Variants in ADAMTS6 observed in about 807,000 individuals in gnomAD.
The protein encoded by ADAMTS6 is A disintegrin and metalloproteinase with thrombospondin motifs 6.
A neutral mutation model predicts 144.3 loss-of-function variants in ADAMTS6; 23 were observed. The ratio of observed to expected loss-of-function variants is 0.16; its 90% CI spans 0.11 to 0.23. The LOEUF (loss-of-function observed/expected upper bound fraction) is 0.23, where lower values mean the gene tolerates loss of function less well. Among genes scored for constraint, ADAMTS6 ranks in the 10% least tolerant of loss-of-function variants. The probability of loss-of-function intolerance (pLI) is 1.00; values close to 1 mark genes in which losing one functional copy is unlikely to be tolerated. For synonymous variants in ADAMTS6, 444 were observed against 457.5 expected (o/e 0.97, Z 0.38); for missense variants, 999 against 1,379.6 (o/e 0.72, Z 4.37).
intron 14 of ADAMTS6, among the ~76,000 whole-genome samples, chr5:65,258,467 T>G (rs1361707017): frequency 6.6e-6 from 1 of 151,788 alleles, no homozygotes. Flanking sequence ...TGTAACGACT[T>G]TGGATTTAAG....
intron 7 of ADAMTS6, among the ~76,000 whole-genome samples, chr5:65,394,721 A>T (rs1478175474): frequency 6.6e-6 from 1 of 152,164 alleles, no homozygotes; most frequent in Non-Finnish European, 1.5e-5. Context: ...GAAAAAATCC[A>T]TGATGCATGT....
chr5:65,426,658 T>A (rs893873678), intron 7 of ADAMTS6, among the ~76,000 whole-genome samples: 9 of 152,004 alleles, frequency 5.9e-5, no homozygotes, highest in African/African-American at 2.2e-4. Context: ...ACTTAAGAAC[T>A]TGTAGATATG....
chr5:65,365,636 G>A (rs1213420456), intron 7 of ADAMTS6, among the ~76,000 whole-genome samples: 5 of 142,598 alleles, frequency 3.5e-5, no homozygotes, highest in African/African-American at 1.3e-4. Flanking sequence ...AACAGAGTGA[G>A]ACTCTGTTTC....
At chr5:65,373,817 T>G (rs1199140714) in intron 7 of ADAMTS6, among the ~76,000 whole-genome samples, 1 of 151,994 alleles carries the variant, frequency 6.6e-6, no homozygotes, top group African/African-American at 2.4e-5. Flanking sequence ...AAAGAGAATT[T>G]TAGACCAATA....
intron 7 of ADAMTS6, among the ~76,000 whole-genome samples, chr5:65,421,531 G>T (rs990847867): frequency 3.9e-5 from 6 of 152,082 alleles, no homozygotes; most frequent in Non-Finnish European, 7.4e-5. Context: ...AAGATGGCTT[G>T]AATAAAGGCT....
chr5:65,210,376 G>C (rs1231965895), intron 20 of ADAMTS6: 1 of 167,552 alleles, frequency 6.0e-6, no homozygotes, highest in Non-Finnish European at 1.3e-5. Flanking sequence ...GCGTGAACCC[G>C]GGAGGCGGAG....
intron 7 of ADAMTS6, among the ~76,000 whole-genome samples, chr5:65,444,871 C>T (rs148580728): frequency 5.8e-4 from 89 of 152,236 alleles, no homozygotes; most frequent in African/African-American, 2.0e-3. Flanking sequence ...TACTGTGTGA[C>T]CTTGCCAATC....
chr5:65,391,419 T>TAC (rs34581260), intron 7 of ADAMTS6, among the ~76,000 whole-genome samples: 5,018 of 148,644 alleles, frequency 0.034, 100 homozygotes, highest in Admixed American at 0.041. Flanking sequence ...TGTGTCTCTC[T>TAC]ACACACACAC....
intron 7 of ADAMTS6, among the ~76,000 whole-genome samples, chr5:65,370,873 T>C (rs188499509): frequency 0.016 from 2,462 of 152,324 alleles, 35 homozygotes; most frequent in East Asian, 0.082. Flanking sequence ...TAAATGTCCC[T>C]GTCTGACAGC....
intron 20 of ADAMTS6, among the ~76,000 whole-genome samples, chr5:65,201,023 G>A (rs1561274218): frequency 6.6e-6 from 1 of 152,124 alleles, no homozygotes. Context: ...TCCCATCAAA[G>A]GTTCTTTTAT....
At chr5:65,212,013 G>A (rs1756565310) in intron 20 of ADAMTS6, among the ~76,000 whole-genome samples, 1 of 152,142 alleles carries the variant, frequency 6.6e-6, no homozygotes, top group Non-Finnish European at 1.5e-5. Context: ...TGGTTTCTCT[G>A]TCAGCCAAGA....
At chr5:65,287,370 T>A (rs1278141195) in intron 11 of ADAMTS6, among the ~76,000 whole-genome samples, 1 of 152,178 alleles carries the variant, frequency 6.6e-6, no homozygotes, top group African/African-American at 2.4e-5. Flanking sequence ...ACAAAATACA[T>A]CTGCTACCTG....
intron 7 of ADAMTS6, among the ~76,000 whole-genome samples, chr5:65,370,877 T>C (rs984528926): frequency 6.6e-6 from 1 of 152,240 alleles, no homozygotes; most frequent in Non-Finnish European, 1.5e-5. Context: ...TGTCCCTGTC[T>C]GACAGCTTTG....
At chr5:65,467,086 A>C (rs1225724380) in intron 3 of ADAMTS6, among the ~76,000 whole-genome samples, 1 of 152,026 alleles carries the variant, frequency 6.6e-6, no homozygotes, top group Non-Finnish European at 1.5e-5. Context: ...GAAAAAGAGA[A>C]AGAACTTTTG....
intron 9 of ADAMTS6, among the ~76,000 whole-genome samples, chr5:65,315,911 A>AT (rs59699131): frequency 1.1e-4 from 17 of 150,898 alleles, no homozygotes; most frequent in African/African-American, 2.0e-4. Flanking sequence ...AGTTAGAAAC[A>AT]TTTTTTTTTT....
At chr5:65,374,557 G>C (rs948012277) in intron 7 of ADAMTS6, among the ~76,000 whole-genome samples, 1 of 151,896 alleles carries the variant, frequency 6.6e-6, no homozygotes, top group Non-Finnish European at 1.5e-5. Context: ...TACAAGGGAT[G>C]TGAAAGACCT....
At chr5:65,380,082 A>G (rs1348244703) in intron 7 of ADAMTS6, among the ~76,000 whole-genome samples, 2 of 152,124 alleles carry the variant, frequency 1.3e-5, no homozygotes, top group African/African-American at 4.8e-5. Flanking sequence ...TGGTGGAATA[A>G]GTTACACCAA....
intron 7 of ADAMTS6, among the ~76,000 whole-genome samples, chr5:65,408,321 A>C (rs1754749639): frequency 6.6e-6 from 1 of 152,184 alleles, no homozygotes; most frequent in Non-Finnish European, 1.5e-5. Context: ...AAGCAAATGG[A>C]AAACAAAAAA....
chr5:65,313,180 G>C (rs1292764816), intron 9 of ADAMTS6, among the ~76,000 whole-genome samples: 2 of 128,226 alleles, frequency 1.6e-5, no homozygotes, highest in Non-Finnish European at 3.5e-5. Context: ...CACACACACA[G>C]AGTTTATTCT....
Sources: allele counts gnomAD v4.1 joint callset (sites outside exome capture counted in the v4.1 genomes callset), GRCh38; gene constraint gnomAD v4.1.1; transcripts MANE v1.5; gene names NCBI Gene and HGNC (gene_info 2026-07-23, HGNC 2026-07-21).